CNTN5: variants seen among roughly 807,000 people sequenced by gnomAD.
CNTN5 encodes contactin-5.
Under a neutral mutation model 129.1 loss-of-function variants are expected in CNTN5, and 77 were observed. The observed-to-expected ratio is 0.60, with a 90% CI of 0.50 to 0.72. CNTN5 has a LOEUF of 0.72. Among genes scored for constraint, CNTN5 ranks in the 30% least tolerant of loss-of-function variants. The pLI is 0.00. For synonymous variants in CNTN5, 509 were observed against 465.6 expected (o/e 1.09, Z -1.20); for missense variants, 1,478 against 1,328.8 (o/e 1.11, Z -1.75).
At chr11:100,221,946 A>C (rs1949274416) in intron 15 of CNTN5, among the ~76,000 whole-genome samples, 1 of 152,230 alleles carries the variant, frequency 6.6e-6, no homozygotes, top group African/African-American at 2.4e-5. Flanking sequence ...TTAAAAGTGC[A>C]CTAAATTGTG....
intron 2 of CNTN5, among the ~76,000 whole-genome samples, chr11:99,380,296 C>A (rs1182181733): frequency 1.3e-5 from 2 of 152,066 alleles, no homozygotes; most frequent in Non-Finnish European, 2.9e-5. Flanking sequence ...ATCACAAAAT[C>A]TTTCTATTTA....
chr11:99,829,064 T>C (rs1947057942), intron 4 of CNTN5, among the ~76,000 whole-genome samples: 1 of 152,152 alleles, frequency 6.6e-6, no homozygotes, highest in African/African-American at 2.4e-5. Context: ...GTTTAAAAAG[T>C]GTGATTTACA....
At chr11:99,229,194 A>T (rs567836962) in intron 1 of CNTN5, among the ~76,000 whole-genome samples, 1 of 152,030 alleles carries the variant, frequency 6.6e-6, no homozygotes, top group African/African-American at 2.4e-5. Context: ...ACTCATAAAA[A>T]TTTTTCATAA....
At chr11:99,264,231 AT>A (rs1178161486) in intron 1 of CNTN5, among the ~76,000 whole-genome samples, 3 of 151,288 alleles carry the variant, frequency 2.0e-5, no homozygotes, top group African/African-American at 7.3e-5. Flanking sequence ...TTATTTAATA[AT>A]ATTATTTAAT....
In CNTN5 at chr11:99,096,515, A is replaced by G. The variant is rs540550899; in HGVS notation, c.-210+75245A>G. On this transcript the variant is annotated intron_variant, in intron 1 of 24. Transcript: ENST00000524871. Reference sequence around the variant, plus strand: ...CACAGAGTTGTCTATGATTGCATAGATTTCAAAGTGTTTTCATAGGTTTTA... The same window carrying G: ...CACAGAGTTGTCTATGATTGCATAGGTTTCAAAGTGTTTTCATAGGTTTTA... Among the ~76,000 whole-genome samples, 4 of 151,974 alleles carry G rather than the reference A, an allele frequency of 2.6e-5. No individual in the cohort carries two copies. The South Asian group carries it at 8.3e-4, about 32-fold the overall frequency.
intron 13 of CNTN5, among the ~76,000 whole-genome samples, chr11:100,165,523 A>G (rs546704540): frequency 2.4e-4 from 36 of 151,972 alleles, no homozygotes; most frequent in African/African-American, 8.4e-4. Flanking sequence ...TTACTAACTT[A>G]CAGGAAGTAT....
At chr11:99,675,260 C>T (rs1334978836) in intron 3 of CNTN5, among the ~76,000 whole-genome samples, 1 of 152,042 alleles carries the variant, frequency 6.6e-6, no homozygotes, top group Non-Finnish European at 1.5e-5. Context: ...AAATCTCGCC[C>T]ATCAGTACTG....
intron 8 of CNTN5, among the ~76,000 whole-genome samples, chr11:99,974,252 A>G (rs1937777785): frequency 6.6e-6 from 1 of 152,224 alleles, no homozygotes; most frequent in Non-Finnish European, 1.5e-5. Context: ...CCTATTGCTC[A>G]TGCTTGTCTG....
intron 13 of CNTN5, among the ~76,000 whole-genome samples, chr11:100,108,532 A>G (rs773697870): frequency 6.6e-6 from 1 of 152,148 alleles, no homozygotes; most frequent in East Asian, 1.9e-4. Flanking sequence ...AGCTCATTAC[A>G]TATCCTATTT....
intron 7 of CNTN5, among the ~76,000 whole-genome samples, chr11:99,940,190 C>T (rs535423915): frequency 1.5e-4 from 23 of 152,132 alleles, no homozygotes; most frequent in African/African-American, 5.3e-4. Context: ...ATTATCAGCC[C>T]CCAATGTCAA....
intron 3 of CNTN5, among the ~76,000 whole-genome samples, chr11:99,619,223 T>G (rs1479559026): frequency 6.6e-6 from 1 of 152,104 alleles, no homozygotes; most frequent in Non-Finnish European, 1.5e-5. Flanking sequence ...TTTAACAATG[T>G]TATTTATATA....
chr11:99,897,497 G>A (rs1949237794), intron 6 of CNTN5, among the ~76,000 whole-genome samples: 1 of 151,046 alleles, frequency 6.6e-6, no homozygotes, highest in African/African-American at 2.5e-5. Flanking sequence ...TGTATTTTTA[G>A]CCTCCTTTAA....
At chr11:99,022,378 G>C (rs1220984389) in intron 1 of CNTN5, among the ~76,000 whole-genome samples, 2 of 152,064 alleles carry the variant, frequency 1.3e-5, no homozygotes, top group African/African-American at 4.8e-5. Context: ...GCTTAAAGGA[G>C]TTCATTATGA....
chr11:100,289,754 G>A (rs1181732254), intron 18 of CNTN5, among the ~76,000 whole-genome samples: 2 of 150,254 alleles, frequency 1.3e-5, no homozygotes, highest in African/African-American at 2.5e-5. Context: ...TGGAAGTTCT[G>A]GCCAGGGCAA....
At chr11:99,659,352 A>G (rs1051186401) in intron 3 of CNTN5, among the ~76,000 whole-genome samples, 2 of 152,154 alleles carry the variant, frequency 1.3e-5, no homozygotes, top group African/African-American at 4.8e-5. Flanking sequence ...CTATCTTTGG[A>G]TACCATAAGA....
At chr11:99,147,127 C>A (rs1859827947) in intron 1 of CNTN5, among the ~76,000 whole-genome samples, 1 of 152,102 alleles carries the variant, frequency 6.6e-6, no homozygotes, top group Non-Finnish European at 1.5e-5. Flanking sequence ...GCTTTCCAAC[C>A]CTAAGACTTA....
At chr11:100,304,061 A>AC (rs1951290786) in intron 20 of CNTN5, among the ~76,000 whole-genome samples, 1 of 151,468 alleles carries the variant, frequency 6.6e-6, no homozygotes. Context: ...ACAAGCACAT[A>AC]CCCCCATATT....
chr11:100,267,815 T>C (rs796755878), intron 17 of CNTN5, among the ~76,000 whole-genome samples: 1 of 152,114 alleles, frequency 6.6e-6, no homozygotes, highest in East Asian at 1.9e-4. Context: ...ATTCAAGCTA[T>C]GTGAAAAAAT....
At position 99,294,586 on chromosome 11, in the gene CNTN5, C is replaced by T. The variant is rs144052934; in HGVS notation, c.-209-30760C>T. 3.9e-4 allele frequency among the ~76,000 whole-genome samples: 59 copies of T among 152,230 alleles called. 2 individuals carry two copies. The Middle Eastern group carries it at 0.01, about 26-fold the overall frequency. ...GATGAAGTAATATTGTTATAAATTTCATATTACCTTAAAAAAATCTACAGA... is the reference window on the plus strand; with the variant it reads ...GATGAAGTAATATTGTTATAAATTTTATATTACCTTAAAAAAATCTACAGA... On this transcript the variant is annotated intron_variant, in intron 1 of 24. Coordinates refer to ENST00000524871, the MANE Select transcript of CNTN5 (RefSeq NM_014361.4).
Sources: gnomAD v4.1 joint callset for allele counts (sites outside exome capture counted in the v4.1 genomes callset) on GRCh38, gnomAD v4.1.1 for gene constraint, MANE v1.5 for transcripts, NCBI Gene and HGNC (gene_info 2026-07-23, HGNC 2026-07-21) for gene names.